ATXN7L1: variants seen among roughly 807,000 people sequenced by gnomAD.
The protein encoded by ATXN7L1 is ataxin 7 like 1.
ATXN7L1 carries 15 observed loss-of-function variants against 70.8 expected under a neutral mutation model. The observed-to-expected ratio is 0.21, with a 90% CI of 0.14 to 0.33. ATXN7L1 has a LOEUF of 0.33. ATXN7L1 is among the 10% of genes least tolerant of loss of function. The pLI, the probability that ATXN7L1 is intolerant of heterozygous loss-of-function variation, is 1.00. For synonymous variants in ATXN7L1, 440 were observed against 445.1 expected, an observed-to-expected ratio of 0.99 and a Z score of 0.14; for missense variants, 975 against 1,097.1, an observed-to-expected ratio of 0.89 and a Z score of 1.57.
intron 2 of ATXN7L1, among the ~76,000 whole-genome samples, chr7:105,821,801 G>A (rs777096820): frequency 2.6e-5 from 4 of 152,222 alleles, no homozygotes; most frequent in African/African-American, 7.2e-5. Flanking sequence ...AAGCAAGTGC[G>A]CAGTACAGTT....
intron 3 of ATXN7L1, among the ~76,000 whole-genome samples, chr7:105,769,185 C>T (rs113343241): frequency 3.3e-5 from 5 of 152,264 alleles, no homozygotes; most frequent in African/African-American, 1.2e-4. Flanking sequence ...CAGCAAGATA[C>T]TGTAGAAATG....
chr7:105,797,328 G>A (rs1055087130), intron 2 of ATXN7L1, among the ~76,000 whole-genome samples: 2 of 152,078 alleles, frequency 1.3e-5, no homozygotes, highest in South Asian at 2.1e-4. Flanking sequence ...CAGGATGTCC[G>A]CCCCCGGACC....
chr7:105,722,189 G>A (rs1795258907), intron 3 of ATXN7L1, among the ~76,000 whole-genome samples: 1 of 152,158 alleles, frequency 6.6e-6, no homozygotes, highest in African/African-American at 2.4e-5. Flanking sequence ...CATGAAGACA[G>A]GCTGAGGGCA....
At chr7:105,611,663 C>G (rs1793164325) in intron 10 of ATXN7L1, among the ~76,000 whole-genome samples, 1 of 152,258 alleles carries the variant, frequency 6.6e-6, no homozygotes, top group South Asian at 2.1e-4. Flanking sequence ...TGAGCCACCA[C>G]ACCTGGCTAC....
At chr7:105,803,242 G>A (rs1009175257) in intron 2 of ATXN7L1, among the ~76,000 whole-genome samples, 10 of 152,246 alleles carry the variant, frequency 6.6e-5, no homozygotes, top group Non-Finnish European at 1.5e-4. Context: ...GAGGGCAGTG[G>A]GCCGAAGCAG....
intron 3 of ATXN7L1, among the ~76,000 whole-genome samples, chr7:105,703,121 C>G (rs1210397242): frequency 6.6e-6 from 1 of 151,116 alleles, no homozygotes; most frequent in Non-Finnish European, 1.5e-5. Context: ...GTCTCAAAAA[C>G]AAACAAACAA....
chr7:105,625,376 G>A (rs773502317), intron 7 of ATXN7L1, among the ~76,000 whole-genome samples: 4 of 151,978 alleles, frequency 2.6e-5, no homozygotes, highest in African/African-American at 4.8e-5. Context: ...TCAGCCTCCC[G>A]AGTAGCTGGG....
rs1468858028 is a variant in ATXN7L1 at position 105,719,855 on chromosome 7, G to A, written c.356-54567C>T. Among the ~76,000 whole-genome samples the A allele has an allele frequency of 2.0e-5, 3 of 152,306 alleles. No individual in the cohort carries two copies. The East Asian group carries it at 5.8e-4, about 29-fold the overall frequency. On this transcript the variant is annotated intron_variant, in intron 3 of 11. Transcript: ENST00000419735. ...ATTTCTGCTTTTCAGCAAGCGCAGG[G>A]AACAGAAAGATCCAGCTGTGAAGGG...
chr7:105,619,140 G>T (rs143243797), intron 9 of ATXN7L1, among the ~76,000 whole-genome samples: 713 of 49,782 alleles, frequency 0.014, no homozygotes, highest in Middle Eastern at 0.042. Context: ...GAAATCTTTA[G>T]TTTTTTTTTT....
intron 7 of ATXN7L1, among the ~76,000 whole-genome samples, chr7:105,631,887 G>C (rs187853463): frequency 6.6e-6 from 1 of 152,350 alleles, no homozygotes; most frequent in Admixed American, 6.5e-5. Context: ...CACAGGGCTG[G>C]ACACAGTGGA....
At chr7:105,628,574 G>A (rs1399622994) in intron 7 of ATXN7L1, among the ~76,000 whole-genome samples, 3 of 151,828 alleles carry the variant, frequency 2.0e-5, no homozygotes, top group Non-Finnish European at 2.9e-5. Context: ...TGGATCACGA[G>A]GTCAGGAGAT....
rs148915111 is a variant in ATXN7L1, at chr7:105,822,472, C to T, written c.251-33764G>A. Among the ~76,000 whole-genome samples, 440 of 152,226 alleles carry T rather than the reference C, an allele frequency of 2.9e-3. 2 individuals carry two copies. The highest frequency in any genetic ancestry group is 0.01 in the African/African-American group (420 of 41,534). On this transcript the variant is annotated intron_variant, in intron 2 of 11. Coordinates refer to ENST00000419735, the MANE Select transcript of ATXN7L1 (RefSeq NM_020725.2). ...TCATTTGTCCACCTTCATATCATTA[C>T]TTCTTATGACCTGCAGGAAGGATAT...
intron 3 of ATXN7L1, among the ~76,000 whole-genome samples, chr7:105,759,140 C>CTT (rs11371276): frequency 2.1e-5 from 3 of 144,864 alleles, no homozygotes; most frequent in South Asian, 2.2e-4. Context: ...ATTTAGTGGC[C>CTT]TTTTTTTTAG....
At chr7:105,748,116 CAAAAAA>C (rs10566200) in intron 3 of ATXN7L1, among the ~76,000 whole-genome samples, 13,296 of 122,038 alleles carry the variant, frequency 0.11, 598 homozygotes, top group Non-Finnish European at 0.12. Context: ...AACTCCATCT[CAAAAAA>C]AAAAAAAAAA....
intron 3 of ATXN7L1, among the ~76,000 whole-genome samples, chr7:105,782,511 A>G (rs1803676902): frequency 6.6e-6 from 1 of 152,218 alleles, no homozygotes; most frequent in African/African-American, 2.4e-5. Context: ...CTTCCATGCC[A>G]GGCAAAGGGT....
intron 4 of ATXN7L1, among the ~76,000 whole-genome samples, chr7:105,650,420 T>C (rs919822803): frequency 6.6e-6 from 1 of 152,236 alleles, no homozygotes; most frequent in Admixed American, 6.5e-5. Flanking sequence ...CTAACATTAT[T>C]CTGTGGCTGA....
At chr7:105,846,254 G>A (rs1314664394) in intron 2 of ATXN7L1, among the ~76,000 whole-genome samples, 2 of 151,950 alleles carry the variant, frequency 1.3e-5, no homozygotes, top group South Asian at 2.1e-4. Flanking sequence ...TGGGAGGATC[G>A]CTTGAGCCTA....
At chr7:105,730,767 G>C (rs571308600) in intron 3 of ATXN7L1, among the ~76,000 whole-genome samples, 1 of 152,012 alleles carries the variant, frequency 6.6e-6, no homozygotes, top group African/African-American at 2.4e-5. Context: ...CAGCTAAGGA[G>C]ACATGACAAC....
chr7:105,652,605 A>G (rs1800019792), intron 4 of ATXN7L1, among the ~76,000 whole-genome samples: 1 of 152,198 alleles, frequency 6.6e-6, no homozygotes, highest in African/African-American at 2.4e-5. Flanking sequence ...AGTACAGCCC[A>G]GACAGTTACT....
Sources: gnomAD v4.1 joint callset for allele counts (sites outside exome capture counted in the v4.1 genomes callset) on GRCh38, gnomAD v4.1.1 for gene constraint, MANE v1.5 for transcripts, NCBI Gene and HGNC (gene_info 2026-07-23, HGNC 2026-07-21) for gene names.